The following GALM variants were observed in gnomAD, a reference collection of about 807,000 sequenced individuals.
GALM encodes the protein aldose 1-epimerase.
Under a neutral mutation model 37.4 loss-of-function variants are expected in GALM, and 43 were observed. The ratio of observed to expected loss-of-function variants is 1.15; its 90% confidence interval spans 0.90 to 1.48. The LOEUF is 1.48. Ranked by LOEUF, GALM falls within the 40% of genes most tolerant of loss-of-function variation. The pLI is 0.00. For synonymous variants in GALM, 199 were observed against 170.6 expected (o/e 1.17, Z -1.30); for missense variants, 456 against 419.1 (o/e 1.09, Z -0.77).
chr2:38,672,185 G>T (rs1016138211), intron 1 of GALM, among the ~76,000 whole-genome samples: 11 of 152,212 alleles, frequency 7.2e-5, no homozygotes, highest in African/African-American at 2.7e-4. Context: ...TGTTGGCTTT[G>T]TGGTTGTCTC....
chr2:38,695,749 A>T (rs1665790816), intron 4 of GALM, among the ~76,000 whole-genome samples: 1 of 152,170 alleles, frequency 6.6e-6, no homozygotes, highest in Non-Finnish European at 1.5e-5. Flanking sequence ...GCTGGAGTGC[A>T]GTGGCTCGAT....
At chr2:38,697,940 G>A (rs557251852) in intron 4 of GALM, among the ~76,000 whole-genome samples, 1 of 151,514 alleles carries the variant, frequency 6.6e-6, no homozygotes, top group Non-Finnish European at 1.5e-5. Flanking sequence ...TGGCAATTTT[G>A]GGTTTTGGGG....
At chr2:38,666,641 C>CGATCTTTGAACTGCCT (rs1664948401) in intron 1 of GALM, among the ~76,000 whole-genome samples, 4 of 152,296 alleles carry the variant, frequency 2.6e-5, no homozygotes, top group South Asian at 4.1e-4. Flanking sequence ...GATCCTGGAG[C>CGATCTTTGAACTGCCT]GATCTTTGAA....
Position 38,666,169 on chromosome 2 carries a change from C to G in GALM, c.8C>G (p.Ser3Trp). 1 of 1,610,964 alleles carries G rather than the reference C, an allele frequency of 6.2e-7. No homozygotes were observed. Among genetic ancestry groups the G allele is most frequent in the Non-Finnish European group, 8.5e-7 (1 of 1,178,348 alleles). ...ACACGCCAAACTTTCCCTATGGCTT[C>G]GGTGACCAGGGCCGTGTTTGGAGAG... MA[S>W]VTRAVFGELP... is the part of the protein sequence containing the mutation. Residue 3 changes from serine to tryptophan, a missense_variant, in exon 1 of 7, where the codon TCG becomes TGG. Physicochemically the swap from Ser to Trp is radical, Grantham distance 177. Coordinates refer to ENST00000272252, the MANE Select transcript of GALM (RefSeq NM_138801.3).
At chr2:38,725,404 T>C (rs1206156455) in intron 4 of GALM, among the ~76,000 whole-genome samples, 1 of 151,952 alleles carries the variant, frequency 6.6e-6, no homozygotes, top group Non-Finnish European at 1.5e-5. Flanking sequence ...GGGGTGCTGG[T>C]ACATGCCTGG....
intron 4 of GALM, among the ~76,000 whole-genome samples, chr2:38,729,310 C>T (rs1666547189): frequency 6.6e-6 from 1 of 152,092 alleles, no homozygotes; most frequent in African/African-American, 2.4e-5. Flanking sequence ...GCCTCAGCCT[C>T]CTGAGTAGCT....
Position 38,716,443 on chromosome 2 carries a change from G to A in GALM, c.635-13113G>A, listed in dbSNP as rs116763397. ...GTGCATTTCAACATCAGGTCATGAC[G>A]GTGCAACTTGTTTTGTGATGAATGG... On this transcript the variant is annotated intron_variant, in intron 4 of 6. Coordinates refer to ENST00000272252, the MANE Select transcript of GALM (RefSeq NM_138801.3). Among the ~76,000 whole-genome samples, 982 of 152,242 alleles carry A rather than the reference G, an allele frequency of 6.5e-3. 14 individuals are homozygous for A. The highest frequency in any genetic ancestry group is 0.022 in the African/African-American group (895 of 41,548).
At chr2:38,713,174 A>G (rs13015612) in intron 4 of GALM, among the ~76,000 whole-genome samples, 128,279 of 152,078 alleles carry the variant, frequency 0.84, 54,646 homozygotes, top group East Asian at 0.99. Flanking sequence ...ACCGGAGCCT[A>G]CCCAAGCTGC....
At chr2:38,701,305 G>A (rs1473767120) in intron 4 of GALM, among the ~76,000 whole-genome samples, 2 of 152,062 alleles carry the variant, frequency 1.3e-5, no homozygotes, top group African/African-American at 2.4e-5. Flanking sequence ...GCACTACTAA[G>A]GATGTGTCTT....
Position 38,731,396 on chromosome 2 carries a change from CA to C in GALM, c.777-316del, listed in dbSNP as rs66613702. On this transcript the variant is annotated intron_variant, in intron 5 of 6. Coordinates refer to ENST00000272252, the MANE Select transcript of GALM (RefSeq NM_138801.3). ...TGGGCAATAGAGAAAGACTCTATTT[CA>C]AAAAAAAAAAAAAAAAAAAAAAGAA... is the stretch of plus-strand genomic sequence containing the variant. Among the ~76,000 whole-genome samples the C allele has an allele frequency of 2.9e-3, 348 of 121,632 alleles. 2 individuals are homozygous for C. Among genetic ancestry groups the C allele is most frequent in the Admixed American group, 4.8e-3 (56 of 11,676 alleles). 79.8% of individuals were successfully genotyped at this position (121,632 alleles called of 152,430 possible).
chr2:38,673,112 G>A lies in GALM; in HGVS notation c.191-2800G>A, dbSNP rs1175461119. Among the ~76,000 whole-genome samples the A allele has an allele frequency of 4.6e-5, 7 of 152,186 alleles. No individual in the cohort carries two copies. The South Asian group carries it at 1.4e-3, about 31-fold the overall frequency. On this transcript the variant is annotated intron_variant, in intron 1 of 6. Transcript: ENST00000272252. ...CAAAGAAGCAAACCAGGAAAGGCCT[G>A]GAAGAGAAGGATTAATGTTTAATTT...
At chr2:38,709,933 C>G (rs950533324) in intron 4 of GALM, among the ~76,000 whole-genome samples, 5 of 152,172 alleles carry the variant, frequency 3.3e-5, no homozygotes, top group African/African-American at 7.2e-5. Context: ...CTTCTGAGCC[C>G]GACTAGATAA....
intron 3 of GALM, among the ~76,000 whole-genome samples, chr2:38,688,927 TCTC>T (rs1277223081): frequency 6.6e-6 from 1 of 152,114 alleles, no homozygotes; most frequent in African/African-American, 2.4e-5. Flanking sequence ...TTCAAGCAAT[TCTC>T]CTGCCTCAGC....
intron 4 of GALM, among the ~76,000 whole-genome samples, chr2:38,724,827 C>T (rs1031337773): frequency 6.6e-6 from 1 of 152,160 alleles, no homozygotes; most frequent in African/African-American, 2.4e-5. Flanking sequence ...TACCATTTAT[C>T]AAATATTTCC....
intron 4 of GALM, among the ~76,000 whole-genome samples, chr2:38,693,363 A>G (rs913266007): frequency 1.3e-5 from 2 of 151,954 alleles, no homozygotes; most frequent in Non-Finnish European, 2.9e-5. Flanking sequence ...GGCGCCTGTA[A>G]TCCCAGTTAC....
chr2:38,726,640 T>C (rs559396377), intron 4 of GALM, among the ~76,000 whole-genome samples: 1 of 152,198 alleles, frequency 6.6e-6, no homozygotes, highest in African/African-American at 2.4e-5. Context: ...CCGGGCTCAG[T>C]GGCTCCTGCC....
chr2:38,700,980 A>C (rs893383944), intron 4 of GALM, among the ~76,000 whole-genome samples: 1 of 152,134 alleles, frequency 6.6e-6, no homozygotes, highest in Admixed American at 6.6e-5. Flanking sequence ...AGCATTTCTT[A>C]TAAGGCTGGT....
chr2:38,700,470 T>C lies in GALM; in HGVS notation c.634+10576T>C, dbSNP rs146653847. 1.9e-4 allele frequency among the ~76,000 whole-genome samples: 29 copies of C among 150,852 alleles called. No homozygotes were observed. The East Asian group carries it at 3.9e-3, about 20-fold the overall frequency. Reference sequence around the variant, plus strand: ...CCTCCTCTTACTGAATTGATCCCTTTATCATTATATAATAACCTTTTTCTT... The same window carrying C: ...CCTCCTCTTACTGAATTGATCCCTTCATCATTATATAATAACCTTTTTCTT... On this transcript the variant is annotated intron_variant, in intron 4 of 6. Coordinates refer to ENST00000272252, the MANE Select transcript of GALM (RefSeq NM_138801.3).
intron 4 of GALM, among the ~76,000 whole-genome samples, chr2:38,714,898 G>A: frequency 6.6e-6 from 1 of 152,192 alleles, no homozygotes; most frequent in Non-Finnish European, 1.5e-5. Flanking sequence ...TAGTTTACCT[G>A]TGATGTTTCT....
Sources: gnomAD v4.1 joint callset for allele counts (sites outside exome capture counted in the v4.1 genomes callset) on GRCh38, gnomAD v4.1.1 for gene constraint, MANE v1.5 for transcripts, NCBI Gene and HGNC (gene_info 2026-07-23, HGNC 2026-07-21) for gene names.